Variants in STT3A observed in about 807,000 individuals in gnomAD.
STT3A encodes the protein STT3 oligosaccharyltransferase complex catalytic subunit A, also known as dolichyl-diphosphooligosaccharide--protein glycosyltransferase subunit STT3A.
STT3A carries 34 observed loss-of-function variants against 89.2 expected under a neutral mutation model. The ratio of observed to expected loss-of-function variants is 0.38; its 90% confidence interval spans 0.29 to 0.51. STT3A has a LOEUF of 0.51. Ranked by LOEUF, STT3A falls within the 20% of genes least tolerant of loss-of-function variation. The probability of loss-of-function intolerance (pLI) is 0.89; values close to 1 mark genes in which losing one functional copy is unlikely to be tolerated. For synonymous variants in STT3A, 282 were observed against 310.3 expected (o/e 0.91, Z 0.96); for missense variants, 555 against 889.5 (o/e 0.62, Z 4.78).
chr11:125,604,417 C>G (rs377379221), intron 6 of STT3A, among the ~76,000 whole-genome samples, 170 bp downstream of exon 6: 1 of 152,174 alleles, frequency 6.6e-6, no homozygotes, highest in Non-Finnish European at 1.5e-5. Flanking sequence ...ATCATCCTTT[C>G]CAGAAAGGTA....
In STT3A at chr11:125,609,420, C is replaced by T. The variant is rs1939934800; in HGVS notation, c.962-14C>T. ...AGAGTGTGTGTGGAATATTTATTGC[C>T]TCTTTGCTGCTAGGAAAAATATCTC... On this transcript the variant is annotated splice_polypyrimidine_tract_variant and intron_variant, in intron 9 of 17. Transcript: ENST00000392708. 1 of 1,593,178 alleles carries T rather than the reference C, an allele frequency of 6.3e-7. No individual in the cohort carries two copies. Among genetic ancestry groups the T allele is most frequent in the Admixed American group, 1.8e-5 (1 of 55,344 alleles).
intron 12 of STT3A, 51 bp from the exon 13 acceptor site, chr11:125,612,938 G>C: frequency 6.3e-7 from 1 of 1,596,528 alleles, no homozygotes; most frequent in African/African-American, 1.3e-5. Flanking sequence ...GTCCTGTGTT[G>C]TGTGAATTTA....
chr11:125,613,092 T>TCA lies in STT3A; in HGVS notation c.1469_1470insCA (p.Ser491AsnfsTer52). The TCA allele has an allele frequency of 6.2e-7, 1 of 1,614,228 alleles. No homozygotes were observed. Among genetic ancestry groups the TCA allele is most frequent in the Non-Finnish European group, 8.5e-7 (1 of 1,180,050 alleles). ...GCCTACTCTTCTCCGTCCATTGTACTATCTGCCCGTGGTGGGGATGGCAGT... is the reference window on the plus strand; with the variant it reads ...GCCTACTCTTCTCCGTCCATTGTACTCAATCTGCCCGTGGTGGGGATGGCAGT... On this transcript the variant is annotated frameshift_variant, in exon 13 of 18. Coordinates refer to ENST00000392708, the MANE Select transcript of STT3A (RefSeq NM_152713.5). LOFTEE classifies it high-confidence loss of function. The surrounding 1 kb of genome is among the most constrained non-coding windows in gnomAD (Gnocchi z 4.2).
rs1003807960 is a variant in STT3A at position 125,620,806 on chromosome 11, C to T, written c.2114C>T (p.Thr705Ile). The T allele has an allele frequency of 6.2e-7, 1 of 1,611,014 alleles. No homozygotes were observed. The highest frequency in any genetic ancestry group is 1.3e-5 in the African/African-American group (1 of 74,394). ...KDLDNRGLSR[T>I] ...CTGGATAATCGAGGCTTGTCAAGGA[C>T]ATAAATGTCACGTCCAGCTCTGATA... The change falls in exon 18 of 18, where the codon ACA becomes ATA. Residue 705 changes from threonine (T) to isoleucine (I), a missense_variant. Thr to Ile is a moderately conservative substitution (Grantham distance 89). Coordinates refer to ENST00000392708, the MANE Select transcript of STT3A (RefSeq NM_152713.5).
rs1939763721 is a variant in STT3A at position 125,604,016 on chromosome 11, C to G, written c.418-141C>G. 7.4e-6 allele frequency: 6 copies of G among 813,612 alleles called. 1 individual carries two copies. In the South Asian group the frequency reaches 1.1e-4, roughly 15 times the overall value. The allele number at this position is 813,612 out of a possible 1,614,324, so 50.4% of individuals were successfully genotyped here. ...TTGCTTGTGCTGTGAGCATTTCTAG[C>G]ATTTCTAACATCTCACATCTACCTT... On this transcript the variant is annotated intron_variant, in intron 5 of 17. Coordinates refer to ENST00000392708, the MANE Select transcript of STT3A (RefSeq NM_152713.5).
In STT3A at chr11:125,614,419, C is replaced by T; in HGVS notation, c.1767C>T (p.Ser589=). ...TTTTTGGAGGCCTCACTGGGTATTC[C>T]TCTGATGGTAATATACTTGATTCTG... ...LVIFGGLTGY[S]SDDINKFLWM... is the part of the protein sequence containing the mutation. Residue 589 remains serine (S), a synonymous_variant, in exon 15 of 18, where the codon TCC becomes TCT. Coordinates refer to ENST00000392708, the MANE Select transcript of STT3A (RefSeq NM_152713.5). This position sits in a 1 kb window ranked among gnomAD's most constrained non-coding sequence, Gnocchi z 4.9. The T allele has an allele frequency of 6.2e-7, 1 of 1,613,568 alleles. No homozygotes were observed. Among genetic ancestry groups the T allele is most frequent in the South Asian group, 1.1e-5 (1 of 91,076 alleles).
rs12276729 is a variant in STT3A at position 125,614,149 on chromosome 11, A to G, written c.1617A>G (p.Thr539=). The G allele has an allele frequency of 7.7e-3, 12,398 of 1,614,118 alleles. 627 individuals carry two copies. The African/African-American group carries it at 0.12, about 16-fold the overall frequency. The change falls in exon 14 of 18, where the codon ACA becomes ACG. Residue 539 remains threonine (T), a synonymous_variant. Transcript: ENST00000392708. This position sits in a 1 kb window ranked among gnomAD's most constrained non-coding sequence, Gnocchi z 4.9. ...GYQITAMANR[T]ILVDNNTWNN... Reference sequence around the variant, plus strand: ...AGATTACAGCTATGGCAAACCGAACAATTTTAGTGGACAATAACACATGGA... The same window carrying G: ...AGATTACAGCTATGGCAAACCGAACGATTTTAGTGGACAATAACACATGGA...
intron 17 of STT3A, 123 bp downstream of exon 17, chr11:125,620,249 G>C (rs1282471313): frequency 2.8e-6 from 2 of 725,256 alleles, no homozygotes; most frequent in Admixed American, 3.0e-5. Context: ...TGCTTGAAAA[G>C]TAGCTTGCAA....
intron 2 of STT3A, 84 bp downstream of exon 2, chr11:125,596,087 G>A: frequency 9.7e-7 from 1 of 1,034,850 alleles, no homozygotes; most frequent in Non-Finnish European, 1.5e-6. Context: ...ATCTTAAAAT[G>A]CCTTGTTCTT....
intron 3 of STT3A, among the ~76,000 whole-genome samples, chr11:125,598,262 G>T (rs1222356896): frequency 6.6e-6 from 1 of 152,048 alleles, no homozygotes; most frequent in Admixed American, 6.6e-5. Flanking sequence ...GCTGGGAGTG[G>T]TTATCTAAGG....
intron 6 of STT3A, among the ~76,000 whole-genome samples, chr11:125,605,059 C>T (rs1939791440): frequency 3.3e-5 from 5 of 151,998 alleles, no homozygotes; most frequent in Admixed American, 3.3e-4. Flanking sequence ...CTGTGATTGC[C>T]ACTGCACTTC....
intron 16 of STT3A, 29 bp downstream of exon 16, chr11:125,618,590 A>T (rs1940248561): frequency 6.3e-7 from 1 of 1,597,354 alleles, no homozygotes; most frequent in East Asian, 2.2e-5. Flanking sequence ...TATTAATAAC[A>T]GTAGTAATAA....
upstream of STT3A, chr11:125,592,836 G>A (rs1939353391): frequency 5.5e-6 from 1 of 181,060 alleles, no homozygotes; most frequent in African/African-American, 2.4e-5. Flanking sequence ...TCCGGGAGGC[G>A]GACCCGGCTC....
At chr11:125,616,791 C>T (rs190905895) in intron 15 of STT3A, among the ~76,000 whole-genome samples, 39 of 152,326 alleles carry the variant, frequency 2.6e-4, no homozygotes, top group Non-Finnish European at 5.6e-4. Context: ...GATCTTCCCA[C>T]CTCAGCCTCC....
Position 125,595,867 on chromosome 11 carries a change from CTT to C in STT3A, c.-35-10_-35-9del, listed in dbSNP as rs1939477892. 7.7e-7 allele frequency: 1 copy of C among 1,300,650 alleles called. No homozygotes were observed. The highest frequency in any genetic ancestry group is 1.5e-5 in the African/African-American group (1 of 67,858). The allele number at this position is 1,300,650 out of a possible 1,614,324, so 80.6% of individuals were successfully genotyped here. On this transcript the variant is annotated splice_polypyrimidine_tract_variant and intron_variant, in intron 1 of 17. Coordinates refer to ENST00000392708, the MANE Select transcript of STT3A (RefSeq NM_152713.5). ...GGTGTTCAATATCTTGTGGTCTTGA[CTT>C]TTTCATTTTAGCTGATCGTCGTGTG...
chr11:125,602,642 C>T (rs929794748), intron 4 of STT3A, 161 bp from the exon 5 acceptor site: 4 of 1,119,870 alleles, frequency 3.6e-6, no homozygotes, highest in Non-Finnish European at 5.0e-6. Flanking sequence ...TGATTGAATC[C>T]TTAGGGGAGA....
At chr11:125,612,518 T>A (rs1455205609) in intron 11 of STT3A, 74 bp from the exon 12 acceptor site, 1 of 1,510,294 alleles carries the variant, frequency 6.6e-7, no homozygotes, top group African/African-American at 1.4e-5. Context: ...ATTGATGTCT[T>A]GATCTACTAA....
At chr11:125,615,823 G>T (rs1477009202) in intron 15 of STT3A, among the ~76,000 whole-genome samples, 1 of 152,168 alleles carries the variant, frequency 6.6e-6, no homozygotes, top group African/African-American at 2.4e-5. Flanking sequence ...AGACTCTTGA[G>T]GTCAGGAGTT....
intron 15 of STT3A, among the ~76,000 whole-genome samples, chr11:125,615,438 C>CGTGGGTTCTGCATCT (rs557339840): frequency 9.5e-4 from 144 of 152,096 alleles, no homozygotes; most frequent in African/African-American, 3.4e-3. Context: ...CCTCCATATC[C>CGTGGGTTCTGCATCT]GTGGGTTCTG....
Sources: gnomAD v4.1 joint callset for allele counts (sites outside exome capture counted in the v4.1 genomes callset) on GRCh38, gnomAD v4.1.1 for gene constraint, Gnocchi (gnomAD v3.1) non-coding constraint, MANE v1.5 for transcripts, NCBI Gene and HGNC (gene_info 2026-07-23, HGNC 2026-07-21) for gene names.